The following CPNE8 variants were observed in gnomAD, a reference collection of about 807,000 sequenced individuals.
CPNE8 encodes the protein copine 8, also known as copine-8.
CPNE8 carries 45 observed loss-of-function variants against 81.5 expected under a neutral mutation model. The observed-to-expected ratio is 0.55, with a 90% CI of 0.44 to 0.71. The LOEUF is 0.71. Among genes scored for constraint, CPNE8 ranks in the 30% least tolerant of loss-of-function variants. The pLI is 0.00. For synonymous variants in CPNE8, 252 were observed against 226.3 expected (o/e 1.11, Z -1.02); for missense variants, 594 against 672.1 (o/e 0.88, Z 1.28).
intron 6 of CPNE8, among the ~76,000 whole-genome samples, chr12:38,815,344 C>T (rs1396431444): frequency 6.6e-6 from 1 of 152,116 alleles, no homozygotes; most frequent in Admixed American, 6.5e-5. Context: ...ACAATCTCAC[C>T]TTTTACGCTG....
chr12:38,715,903 C>G lies in CPNE8; in HGVS notation c.914+7869G>C, dbSNP rs576358248. ...GTATATCTAGAAATCCCTAAAAACT[C>G]ATCTAAAAAGCTCCTAGATCTGATA... On this transcript the variant is annotated intron_variant, in intron 13 of 19. Transcript: ENST00000331366. Among the ~76,000 whole-genome samples, 13 of 152,138 alleles carry G rather than the reference C, an allele frequency of 8.5e-5. No individual in the cohort carries two copies. In the South Asian group the frequency reaches 2.5e-3, roughly 29 times the overall value.
At chr12:38,891,678 C>T (rs779526157) in intron 1 of CPNE8, among the ~76,000 whole-genome samples, 7 of 152,148 alleles carry the variant, frequency 4.6e-5, no homozygotes, top group Non-Finnish European at 8.8e-5. Flanking sequence ...AACCCCCAAC[C>T]TCATGTGATC....
chr12:38,879,104 A>T (rs533364077), intron 1 of CPNE8, among the ~76,000 whole-genome samples: 1 of 152,212 alleles, frequency 6.6e-6, no homozygotes, highest in African/African-American at 2.4e-5. Flanking sequence ...TGAAATAAGT[A>T]CCTTATTGAG....
At chr12:38,673,649 G>A (rs1381738606) in intron 18 of CPNE8, among the ~76,000 whole-genome samples, 1 of 152,070 alleles carries the variant, frequency 6.6e-6, no homozygotes, top group Non-Finnish European at 1.5e-5. Context: ...CAGAAACCAG[G>A]TGTTACAGGA....
intron 6 of CPNE8, among the ~76,000 whole-genome samples, chr12:38,808,044 C>A (rs1405510059): frequency 6.6e-6 from 1 of 151,916 alleles, no homozygotes; most frequent in Non-Finnish European, 1.5e-5. Context: ...AAATCAAAAC[C>A]ACAATGAGAT....
intron 6 of CPNE8, among the ~76,000 whole-genome samples, chr12:38,812,509 G>A (rs1361694869): frequency 1.1e-4 from 16 of 152,136 alleles, no homozygotes; most frequent in Admixed American, 8.5e-4. Context: ...ATCAGATCTC[G>A]TGAAAACTCA....
At chr12:38,729,421 T>C (rs142594732) in intron 11 of CPNE8, among the ~76,000 whole-genome samples, 1,967 of 152,152 alleles carry the variant, frequency 0.013, 29 homozygotes, top group South Asian at 0.042. Flanking sequence ...AAACATATTT[T>C]ATATCTGTCT....
chr12:38,897,040 G>A (rs550384260), intron 1 of CPNE8, among the ~76,000 whole-genome samples: 1 of 152,132 alleles, frequency 6.6e-6, no homozygotes, highest in South Asian at 2.1e-4. Context: ...CTATGTTACA[G>A]ATTAGGAAAT....
At chr12:38,882,517 T>C (rs1223894372) in intron 1 of CPNE8, among the ~76,000 whole-genome samples, 1 of 152,192 alleles carries the variant, frequency 6.6e-6, no homozygotes. Flanking sequence ...CAATTTATTA[T>C]AACAGCCACA....
At chr12:38,798,796 G>A (rs999138444) in intron 6 of CPNE8, among the ~76,000 whole-genome samples, 4 of 152,108 alleles carry the variant, frequency 2.6e-5, no homozygotes, top group African/African-American at 9.7e-5. Flanking sequence ...GCTGTATTCA[G>A]GAAACCTATC....
intron 6 of CPNE8, among the ~76,000 whole-genome samples, chr12:38,783,016 C>T (rs1942089711): frequency 6.6e-6 from 1 of 152,088 alleles, no homozygotes; most frequent in Non-Finnish European, 1.5e-5. Flanking sequence ...GAAATTATAT[C>T]AGAAAAGAAA....
At chr12:38,835,397 T>A (rs532204000) in intron 5 of CPNE8, among the ~76,000 whole-genome samples, 2 of 152,366 alleles carry the variant, frequency 1.3e-5, no homozygotes, top group Non-Finnish European at 2.9e-5. Flanking sequence ...AATGTCTTAC[T>A]AGTTTAAGTG....
chr12:38,795,791 T>A (rs1486003219), intron 6 of CPNE8, among the ~76,000 whole-genome samples: 1 of 152,110 alleles, frequency 6.6e-6, no homozygotes, highest in Non-Finnish European at 1.5e-5. Flanking sequence ...GAGATCTGTC[T>A]CATGGCAATG....
At chr12:38,800,955 G>GA (rs1178838813) in intron 6 of CPNE8, among the ~76,000 whole-genome samples, 3 of 146,122 alleles carry the variant, frequency 2.1e-5, no homozygotes, top group African/African-American at 7.7e-5. Context: ...GAAGTTTAGA[G>GA]AAAAAAGAAT....
chr12:38,676,591 A>G (rs1226734313), intron 17 of CPNE8, among the ~76,000 whole-genome samples: 3 of 152,248 alleles, frequency 2.0e-5, no homozygotes, highest in Non-Finnish European at 4.4e-5. Flanking sequence ...ACAGAAAGTT[A>G]GTACTGTTAT....
At chr12:38,777,027 CA>C (rs1389948405) in intron 6 of CPNE8, among the ~76,000 whole-genome samples, 79 of 129,410 alleles carry the variant, frequency 6.1e-4, no homozygotes, top group East Asian at 1.3e-3. Context: ...CTACACATAC[CA>C]AAAAAAAAAA....
At chr12:38,805,598 A>T (rs1198381677) in intron 6 of CPNE8, among the ~76,000 whole-genome samples, 1 of 108,988 alleles carries the variant, frequency 9.2e-6, no homozygotes, top group African/African-American at 3.4e-5. Context: ...CCAGCATGGC[A>T]CATGTATACA....
intron 14 of CPNE8, among the ~76,000 whole-genome samples, chr12:38,698,843 C>T (rs187373006): frequency 1.1e-4 from 17 of 152,288 alleles, no homozygotes; most frequent in African/African-American, 3.9e-4. Flanking sequence ...CTTCCTACTT[C>T]AATGTTCTTT....
intron 1 of CPNE8, among the ~76,000 whole-genome samples, chr12:38,902,385 G>GAAAGAAAGA (rs1565670274): frequency 3.1e-5 from 2 of 65,472 alleles, no homozygotes; most frequent in Non-Finnish European, 5.6e-5. Context: ...AGAAAGAAAA[G>GAAAGAAAGA]AAAGAAAGAG....
Sources: allele counts gnomAD v4.1 joint callset (sites outside exome capture counted in the v4.1 genomes callset), GRCh38; gene constraint gnomAD v4.1.1; transcripts MANE v1.5; gene names NCBI Gene and HGNC (gene_info 2026-07-23, HGNC 2026-07-21).